NDST1: variants seen among roughly 807,000 people sequenced by gnomAD.
NDST1 encodes N-deacetylase and N-sulfotransferase 1, also known as bifunctional heparan sulfate N-deacetylase/N-sulfotransferase 1.
A neutral mutation model predicts 92.8 loss-of-function variants in NDST1; 35 were observed. The observed-to-expected ratio is 0.38, with a 90% confidence interval of 0.29 to 0.50. The LOEUF (loss-of-function observed/expected upper bound fraction) is 0.50, where lower values mean the gene tolerates loss of function less well. Ranked by LOEUF, NDST1 falls within the 20% of genes least tolerant of loss-of-function variation. The pLI is 0.94. For missense variants in NDST1, 822 were observed against 1,182.7 expected (o/e 0.69, Z 4.47); for synonymous variants, 493 against 500.3 (o/e 0.99, Z 0.19).
chr5:150,519,218 G>C (rs1389537771), intron 1 of NDST1, among the ~76,000 whole-genome samples: 1 of 152,218 alleles, frequency 6.6e-6, no homozygotes, highest in Non-Finnish European at 1.5e-5. Context: ...AAGTGCAGCT[G>C]TCGGGTCTGG....
rs111927366 is a variant in NDST1 at position 150,533,773 on chromosome 5, T to C, written c.1096+741T>C. 2.8e-4 allele frequency among the ~76,000 whole-genome samples: 42 copies of C among 152,304 alleles called. 1 individual carries two copies. The highest frequency in any genetic ancestry group is 9.6e-4 in the African/African-American group (40 of 41,574). On this transcript the variant is annotated intron_variant, in intron 4 of 14. Coordinates refer to ENST00000261797, the MANE Select transcript of NDST1 (RefSeq NM_001543.5). ...GGGTTGTCTGTCTGTATTTTTTATA[T>C]TCTTTTTAAAATTTTTTATATATTT... is the stretch of plus-strand genomic sequence containing the variant.
At chr5:150,550,867 C>A (rs966690015) in intron 13 of NDST1, 1 of 152,278 alleles carries the variant, frequency 6.6e-6, no homozygotes, top group African/African-American at 2.4e-5. Context: ...ATAATCCCTG[C>A]GTCCTGAAGG....
intron 4 of NDST1, among the ~76,000 whole-genome samples, chr5:150,534,224 G>A (rs1255411724): frequency 6.6e-6 from 1 of 152,028 alleles, no homozygotes. Flanking sequence ...AGCCTCCCAA[G>A]TAGCAGGTAC....
chr5:150,543,961 G>GTA (rs1755362059), intron 10 of NDST1, among the ~76,000 whole-genome samples: 1 of 152,156 alleles, frequency 6.6e-6, no homozygotes, highest in African/African-American at 2.4e-5. Context: ...TGTATTTTTA[G>GTA]TAGAGACGAG....
intron 9 of NDST1, 29 bp downstream of exon 9, chr5:150,541,695 C>G (rs761490894): frequency 3.8e-6 from 6 of 1,595,188 alleles, no homozygotes; most frequent in South Asian, 2.2e-5. Flanking sequence ...GACCGAGCTT[C>G]CCCAACTGCC....
chr5:150,540,022 C>T (rs1755173746), intron 7 of NDST1, 60 bp from the exon 8 acceptor site: 20 of 1,592,628 alleles, frequency 1.3e-5, no homozygotes, highest in South Asian at 2.2e-5. Flanking sequence ...TCAGAGTTGG[C>T]GGTGAGGGTG....
intron 6 of NDST1, among the ~76,000 whole-genome samples, chr5:150,536,132 A>G (rs1237430683): frequency 6.6e-6 from 1 of 152,138 alleles, no homozygotes; most frequent in African/African-American, 2.4e-5. Flanking sequence ...AGCATTCTTG[A>G]AAGAGGTTTC....
In NDST1 at chr5:150,542,849, C is replaced by A; in HGVS notation, c.1848C>A (p.Gly616=). ...KLLIIGPQKT[G]TTALYLFLGM... is the part of the protein sequence containing the mutation. Reference sequence around the variant, plus strand: ...CTCAGGTGTCTACCCTCCCCACAGGCACCACTGCCCTCTACCTGTTCCTGG... The same window carrying A: ...CTCAGGTGTCTACCCTCCCCACAGGAACCACTGCCCTCTACCTGTTCCTGG... Residue 616 remains glycine, a splice_region_variant and synonymous_variant, in exon 10 of 15, where the codon GGC becomes GGA. Coordinates refer to ENST00000261797, the MANE Select transcript of NDST1 (RefSeq NM_001543.5). The A allele has an allele frequency of 6.2e-7, 1 of 1,614,126 alleles. No individual in the cohort carries two copies. Among genetic ancestry groups the A allele is most frequent in the South Asian group, 1.1e-5 (1 of 91,084 alleles).
chr5:150,548,490 T>G (rs1227983483), intron 12 of NDST1, 102 bp downstream of exon 12: 6 of 1,301,712 alleles, frequency 4.6e-6, no homozygotes, highest in Non-Finnish European at 6.4e-6. Flanking sequence ...GGGACAGATA[T>G]GCCCTCCTTG....
At chr5:150,510,952 G>C (rs1273604508) in intron 1 of NDST1, among the ~76,000 whole-genome samples, 2 of 152,246 alleles carry the variant, frequency 1.3e-5, no homozygotes, top group Non-Finnish European at 2.9e-5. Flanking sequence ...AATGTTAGCT[G>C]TCTTAGGTGA....
In NDST1 at chr5:150,526,963, C is replaced by T. The variant is rs557913882; in HGVS notation, c.514-841C>T. Among the ~76,000 whole-genome samples the T allele has an allele frequency of 1.5e-4, 23 of 152,316 alleles. No individual in the cohort carries two copies. In the South Asian group the frequency reaches 4.3e-3, roughly 29 times the overall value. On this transcript the variant is annotated intron_variant, in intron 2 of 14. Transcript: ENST00000261797. ...AGACTTCACCACTGATGGCAGTGAC[C>T]GGGCAGGCACCATAGTGAGGGAGTG... is the stretch of plus-strand genomic sequence containing the variant.
intron 2 of NDST1, among the ~76,000 whole-genome samples, chr5:150,525,714 A>G (rs1754444198): frequency 1.3e-5 from 2 of 152,148 alleles, no homozygotes; most frequent in Non-Finnish European, 2.9e-5. Context: ...CTGGACAGGT[A>G]CAGCTCTGCA....
At chr5:150,529,533 C>T (rs943497566) in intron 3 of NDST1, among the ~76,000 whole-genome samples, 1 of 151,564 alleles carries the variant, frequency 6.6e-6, no homozygotes, top group Non-Finnish European at 1.5e-5. Context: ...CTTTAAAATA[C>T]AGTTTTCATC....
At chr5:150,538,768 G>A (rs1156402465) in intron 6 of NDST1, among the ~76,000 whole-genome samples, 1 of 152,296 alleles carries the variant, frequency 6.6e-6, no homozygotes, top group African/African-American at 2.4e-5. Flanking sequence ...ATGAGGTGGT[G>A]ACAAGGCAGG....
intron 1 of NDST1, among the ~76,000 whole-genome samples, chr5:150,501,459 A>G (rs1457592480): frequency 3.9e-5 from 6 of 152,218 alleles, no homozygotes. Context: ...CATTGGTCCA[A>G]GCAGTCAATT....
At chr5:150,511,037 A>G (rs889044993) in intron 1 of NDST1, among the ~76,000 whole-genome samples, 1 of 152,076 alleles carries the variant, frequency 6.6e-6, no homozygotes, top group African/African-American at 2.4e-5. Flanking sequence ...TGAAGTTCCC[A>G]TTCACCCCCT....
intron 1 of NDST1, among the ~76,000 whole-genome samples, chr5:150,502,295 G>A (rs1753269107): frequency 6.6e-6 from 1 of 152,148 alleles, no homozygotes; most frequent in African/African-American, 2.4e-5. Flanking sequence ...CCAGGGGTTG[G>A]TTCTGGATTT....
chr5:150,536,029 C>CAGAG, intron 6 of NDST1, 144 bp downstream of exon 6: 1 of 969,510 alleles, frequency 1.0e-6, no homozygotes, highest in Non-Finnish European at 1.6e-6. Flanking sequence ...CTCTGGCACC[C>CAGAG]GAGGCTCTCT....
chr5:150,498,673 T>C (rs1379504121), intron 1 of NDST1, among the ~76,000 whole-genome samples: 2 of 152,182 alleles, frequency 1.3e-5, no homozygotes, highest in Admixed American at 6.5e-5. Flanking sequence ...CCCTCCATTG[T>C]CTCTTTCTCT....
Sources: gnomAD v4.1 joint callset for allele counts (sites outside exome capture counted in the v4.1 genomes callset) on GRCh38, gnomAD v4.1.1 for gene constraint, MANE v1.5 for transcripts, NCBI Gene and HGNC (gene_info 2026-07-23, HGNC 2026-07-21) for gene names.